HDLBP: variants seen among roughly 807,000 people sequenced by gnomAD.
HDLBP encodes the protein high density lipoprotein binding protein.
HDLBP carries 30 observed loss-of-function variants against 137.3 expected under a neutral mutation model. The ratio of observed to expected loss-of-function variants is 0.22; its 90% CI spans 0.16 to 0.30. The LOEUF is 0.30. HDLBP is among the 10% of genes least tolerant of loss of function. The pLI is 1.00. For synonymous variants in HDLBP, 606 were observed against 596.0 expected, an observed-to-expected ratio of 1.02 and a Z score of -0.24; for missense variants, 1,119 against 1,667.3, an observed-to-expected ratio of 0.67 and a Z score of 5.73.
chr2:241,233,994 A>C lies in HDLBP; in HGVS notation c.3145-31T>G, dbSNP rs1439828025. ...AATGAAAGGAGCAAGAATGAGGCAA[A>C]GATTGAGCTGATCCACCCTGTGACT... On this transcript the variant is annotated intron_variant, in intron 23 of 27. Coordinates refer to ENST00000310931, the MANE Select transcript of HDLBP (RefSeq NM_005336.6). This position sits in a 1 kb window ranked among gnomAD's most constrained non-coding sequence, Gnocchi z 4.3. The C allele has an allele frequency of 6.2e-7, 1 of 1,613,476 alleles. No homozygotes were observed. Among genetic ancestry groups the C allele is most frequent in the Non-Finnish European group, 8.5e-7 (1 of 1,179,462 alleles).
chr2:241,230,130 C>A lies in HDLBP; in HGVS notation c.3591+23G>T, dbSNP rs1452470218. The A allele has an allele frequency of 3.1e-6, 5 of 1,600,702 alleles. No homozygotes were observed. The highest frequency in any genetic ancestry group is 4.3e-6 in the Non-Finnish European group (5 of 1,168,158). ...GTGGACGTGCCAGGGCGCCTCAGGG[C>A]TCCAAGGCCCACAGAGACTCACGTA... On this transcript the variant is annotated intron_variant, in intron 26 of 27. Coordinates refer to ENST00000310931, the MANE Select transcript of HDLBP (RefSeq NM_005336.6). This position sits in a 1 kb window ranked among gnomAD's most constrained non-coding sequence, Gnocchi z 5.0.
rs1318424074 is a variant in HDLBP, at chr2:241,272,749, T to C, written c.-102-4208A>G. The stretch of plus-strand genomic sequence containing the variant: ...CCCGCCCAGGCCTCCCAGCCCCGTG[T>C]TGCGCGCTCACTCGTGGGCCCCCGC... On this transcript the variant is annotated intron_variant, in intron 1 of 27. Coordinates refer to ENST00000310931, the MANE Select transcript of HDLBP (RefSeq NM_005336.6). The surrounding 1 kb of genome is among the most constrained non-coding windows in gnomAD (Gnocchi z 5.6). The C allele has an allele frequency of 5.9e-6, 2 of 341,050 alleles. No homozygotes were observed. The highest frequency in any genetic ancestry group is 2.5e-5 in the African/African-American group (1 of 39,236). 21.1% of individuals were successfully genotyped at this position (341,050 alleles called of 1,614,324 possible).
chr2:241,236,592 G>A lies in HDLBP; in HGVS notation c.2904+23C>T, dbSNP rs368640542. On this transcript the variant is annotated intron_variant, in intron 21 of 27. Transcript: ENST00000310931. The stretch of plus-strand genomic sequence containing the variant: ...GCTGACTGGGCCTTGGCGGGGGGTG[G>A]AGGGGGGCACATGGACACATACCTC... The A allele has an allele frequency of 4.3e-6, 7 of 1,612,318 alleles. No homozygotes were observed. The African/African-American group carries it at 6.7e-5, about 15-fold the overall frequency.
intron 1 of HDLBP, among the ~76,000 whole-genome samples, chr2:241,314,706 G>A (rs1157387183): frequency 2.6e-5 from 4 of 152,146 alleles, no homozygotes; most frequent in African/African-American, 4.8e-5. Flanking sequence ...GAATGGAGAG[G>A]ATATGTAGCA....
intron 12 of HDLBP, 78 bp from the exon 13 acceptor site, chr2:241,248,426 G>A: frequency 8.5e-7 from 1 of 1,175,858 alleles, no homozygotes; most frequent in Non-Finnish European, 1.3e-6. Flanking sequence ...GGGACACCAG[G>A]GAGCCCTGGG....
rs1311696518 is a variant in HDLBP, at chr2:241,264,614, G to T, written c.77-9C>A. ...TGAATTTAGAGTGGCAACTGGACCA[G>T]CCAACACAGATTAAAAGGAAGCACT... is the stretch of plus-strand genomic sequence containing the variant. On this transcript the variant is annotated splice_polypyrimidine_tract_variant and intron_variant, in intron 3 of 27. Transcript: ENST00000310931. The T allele has an allele frequency of 6.2e-7, 1 of 1,611,986 alleles. No individual in the cohort carries two copies. Among genetic ancestry groups the T allele is most frequent in the South Asian group, 1.1e-5 (1 of 90,878 alleles).
intron 9 of HDLBP, among the ~76,000 whole-genome samples, chr2:241,254,729 C>CG (rs150899474): frequency 0.012 from 1,756 of 152,140 alleles, 24 homozygotes; most frequent in African/African-American, 0.039. Flanking sequence ...CATGAGCCAC[C>CG]GCACCCGGCC....
At chr2:241,267,445 C>T in intron 2 of HDLBP, 1 of 799,856 alleles carries the variant, frequency 1.3e-6, no homozygotes, top group Non-Finnish European at 2.0e-6. Flanking sequence ...CAGTCAACAC[C>T]ACCCCTAACC....
At chr2:241,244,366 A>G (rs1050543565) in intron 16 of HDLBP, among the ~76,000 whole-genome samples, 2 of 152,224 alleles carry the variant, frequency 1.3e-5, no homozygotes, top group African/African-American at 4.8e-5. Flanking sequence ...ATAAACACCA[A>G]GCTAAGAGAC....
At chr2:241,278,319 C>T (rs1334516739) in intron 1 of HDLBP, among the ~76,000 whole-genome samples, 2 of 152,220 alleles carry the variant, frequency 1.3e-5, no homozygotes, top group African/African-American at 2.4e-5. Flanking sequence ...CACGGTGGCT[C>T]GTGCCTGTAA....
At chr2:241,236,246 A>G (rs1291319697) in intron 21 of HDLBP, 3 of 282,822 alleles carry the variant, frequency 1.1e-5, no homozygotes, top group Admixed American at 4.9e-5. Flanking sequence ...GACTGCACAC[A>G]AGGTGAGCTA....
chr2:241,239,676 T>C lies in HDLBP; in HGVS notation c.2536A>G (p.Lys846Glu), dbSNP rs1280232163. ...TCCTTGGCGCCCTTGAGGGTGACTT[T>C]GTCGCTCTGTGTGCCAGAGCGTGGG... ...SFPRSGTQSD[K>E]VTLKGAKDCV... The change falls in exon 19 of 28, where the codon AAA (lysine) becomes GAA (glutamate). Residue 846 changes from lysine (K) to glutamate (E), a missense_variant. By Grantham distance (56) the Lys-to-Glu change is moderately conservative. Transcript: ENST00000310931. The surrounding 1 kb of genome is among the most constrained non-coding windows in gnomAD (Gnocchi z 4.6). The C allele has an allele frequency of 6.2e-7, 1 of 1,614,096 alleles. No homozygotes were observed. Among genetic ancestry groups the C allele is most frequent in the African/African-American group, 1.3e-5 (1 of 74,942 alleles).
In HDLBP at chr2:241,232,739, G is replaced by A. The variant is rs545368114; in HGVS notation, c.3288+1081C>T. Among the ~76,000 whole-genome samples, 197 of 152,164 alleles carry A rather than the reference G, an allele frequency of 1.3e-3. 1 individual carries two copies. Among genetic ancestry groups the A allele is most frequent in the African/African-American group, 4.6e-3 (190 of 41,512 alleles). ...TGAGGCACGAGAATCACTTCAACCC[G>A]GGAGGCAGAGGTTACAGTGAGCCGA... On this transcript the variant is annotated intron_variant, in intron 24 of 27. Coordinates refer to ENST00000310931, the MANE Select transcript of HDLBP (RefSeq NM_005336.6).
At chr2:241,310,034 A>C (rs1420091798) in intron 1 of HDLBP, among the ~76,000 whole-genome samples, 1 of 152,258 alleles carries the variant, frequency 6.6e-6, no homozygotes, top group Non-Finnish European at 1.5e-5. Flanking sequence ...TGCATAGCCC[A>C]GAAAAGGCTG....
chr2:241,304,927 T>C (rs4675966), intron 1 of HDLBP, among the ~76,000 whole-genome samples: 74,403 of 152,138 alleles, frequency 0.49, 19,676 homozygotes, highest in East Asian at 0.78. Flanking sequence ...GGCCTGTCTC[T>C]TCTCCTATAA....
At chr2:241,252,902 C>A (rs1005000680) in intron 11 of HDLBP, 55 bp downstream of exon 11, 17 of 1,218,654 alleles carry the variant, frequency 1.4e-5, no homozygotes, top group Non-Finnish European at 1.8e-5. Context: ...AGCTGACACC[C>A]CCCACAAGGG....
intron 1 of HDLBP, chr2:241,273,012 C>T (rs956093804): frequency 2.0e-6 from 2 of 985,138 alleles, no homozygotes; most frequent in African/African-American, 3.5e-5. Context: ...GAAGGCGGTG[C>T]CGAGGAGTTG....
At chr2:241,279,145 G>C (rs1364213609) in intron 1 of HDLBP, among the ~76,000 whole-genome samples, 1 of 152,128 alleles carries the variant, frequency 6.6e-6, no homozygotes, top group Non-Finnish European at 1.5e-5. Context: ...GACAGGCCAT[G>C]GTCATCTAAA....
At chr2:241,280,200 T>C (rs963925481) in intron 1 of HDLBP, 2 of 830,318 alleles carry the variant, frequency 2.4e-6, no homozygotes, top group Non-Finnish European at 2.9e-6. Context: ...AAGCTGAAAA[T>C]TTAAAATTAT....
Sources: gnomAD v4.1 joint callset for allele counts (sites outside exome capture counted in the v4.1 genomes callset) on GRCh38, gnomAD v4.1.1 for gene constraint, Gnocchi (gnomAD v3.1) non-coding constraint, MANE v1.5 for transcripts, NCBI Gene and HGNC (gene_info 2026-07-23, HGNC 2026-07-21) for gene names.